Variants in VPS13B observed in about 807,000 individuals in gnomAD.
VPS13B encodes intermembrane lipid transfer protein VPS13B.
In VPS13B, 285 loss-of-function variants were observed where a neutral mutation model predicts 426.4. That is an observed-to-expected ratio of 0.67 (90% CI 0.61 to 0.74). The LOEUF is 0.74. VPS13B is among the 30% of genes least tolerant of loss of function. VPS13B has a pLI of 0.00. For synonymous variants in VPS13B, 1,676 were observed against 1,676.4 expected (o/e 1.00, Z 0.01); for missense variants, 4,537 against 4,782.6 (o/e 0.95, Z 1.51).
chr8:99,625,643 T>G (rs985947659), intron 33 of VPS13B, among the ~76,000 whole-genome samples: 3 of 151,862 alleles, frequency 2.0e-5, no homozygotes, highest in African/African-American at 7.3e-5. Context: ...CACATAAGCC[T>G]AAAAGTTCAA....
intron 37 of VPS13B, among the ~76,000 whole-genome samples, chr8:99,720,110 A>G (rs1299421881): frequency 6.6e-6 from 1 of 152,172 alleles, no homozygotes; most frequent in Non-Finnish European, 1.5e-5. Context: ...TTCAACATTT[A>G]AAATTTATTG....
chr8:99,411,272 T>C (rs1028736807), intron 21 of VPS13B, among the ~76,000 whole-genome samples: 1 of 152,222 alleles, frequency 6.6e-6, no homozygotes, highest in African/African-American at 2.4e-5. Context: ...CATGAGATGG[T>C]ATCTCATTGT....
intron 19 of VPS13B, among the ~76,000 whole-genome samples, chr8:99,305,718 T>C (rs1242045064): frequency 6.6e-6 from 1 of 152,076 alleles, no homozygotes; most frequent in Non-Finnish European, 1.5e-5. Flanking sequence ...GAACTAAAAA[T>C]CTTTGGTAAA....
intron 21 of VPS13B, among the ~76,000 whole-genome samples, chr8:99,395,963 G>T (rs1444710520): frequency 6.6e-6 from 1 of 152,090 alleles, no homozygotes; most frequent in Non-Finnish European, 1.5e-5. Context: ...AAAAAATTTA[G>T]TGGAATTAGA....
intron 24 of VPS13B, among the ~76,000 whole-genome samples, chr8:99,478,083 A>G (rs899492406): frequency 2.7e-5 from 4 of 149,716 alleles, no homozygotes; most frequent in Non-Finnish European, 4.5e-5. Flanking sequence ...TGCTGTCTTT[A>G]TTTAAAAAAA....
intron 19 of VPS13B, among the ~76,000 whole-genome samples, chr8:99,380,882 T>G (rs532645944): frequency 6.6e-6 from 1 of 151,666 alleles, no homozygotes; most frequent in East Asian, 1.9e-4. Flanking sequence ...CTTTCTTTTT[T>G]TTTTTTTTAA....
At chr8:99,789,707 CTT>C (rs1484995124) in intron 43 of VPS13B, among the ~76,000 whole-genome samples, 1 of 152,038 alleles carries the variant, frequency 6.6e-6, no homozygotes, top group Middle Eastern at 3.2e-3. Flanking sequence ...ATAAGACTAT[CTT>C]ATAGATATTT....
chr8:99,724,653 A>G (rs1833260655), intron 39 of VPS13B, among the ~76,000 whole-genome samples: 1 of 152,074 alleles, frequency 6.6e-6, no homozygotes. Context: ...TAAATAAATA[A>G]ATGCATTACA....
chr8:99,592,100 T>C (rs575723927), intron 33 of VPS13B, among the ~76,000 whole-genome samples: 4 of 152,178 alleles, frequency 2.6e-5, no homozygotes, highest in African/African-American at 9.6e-5. Flanking sequence ...TTCCACTTGA[T>C]TGAATCAGCT....
chr8:99,828,726 T>C (rs1814876193), intron 51 of VPS13B, among the ~76,000 whole-genome samples: 1 of 152,168 alleles, frequency 6.6e-6, no homozygotes, highest in Non-Finnish European at 1.5e-5. Flanking sequence ...GTTTTTGCAG[T>C]GACTGGTACC....
intron 19 of VPS13B, among the ~76,000 whole-genome samples, chr8:99,349,094 G>A (rs1238107519): frequency 6.6e-6 from 1 of 151,308 alleles, no homozygotes; most frequent in Non-Finnish European, 1.5e-5. Context: ...AGCACTTTGG[G>A]AGGCCGAGGC....
At chr8:99,308,616 T>G in intron 19 of VPS13B, among the ~76,000 whole-genome samples, 1 of 152,188 alleles carries the variant, frequency 6.6e-6, no homozygotes, top group Non-Finnish European at 1.5e-5. Context: ...TCTTTGCTAT[T>G]GTGAATAGTG....
At chr8:99,744,374 A>C (rs1478663390) in intron 39 of VPS13B, among the ~76,000 whole-genome samples, 1 of 152,206 alleles carries the variant, frequency 6.6e-6, no homozygotes, top group Non-Finnish European at 1.5e-5. Flanking sequence ...TGTTGGTGGG[A>C]CTGTAAACTA....
At position 99,575,696 on chromosome 8, in the gene VPS13B, C is replaced by T; in HGVS notation, c.4988C>T (p.Pro1663Leu). 2 of 1,613,804 alleles carry T rather than the reference C, an allele frequency of 1.2e-6. No individual in the cohort carries two copies. The change falls in exon 32 of 62, where the codon CCC (proline) becomes CTC (leucine). Residue 1663 changes from proline to leucine, a missense_variant. This residue lies in a region of VPS13B where 4,311 missense variants were observed against 4,474.3 expected (regional missense o/e 0.96). Coordinates refer to ENST00000357162, the MANE Select transcript of VPS13B (RefSeq NM_152564.5). ...RHQERRAILT[P>L]VLTDFSVRIT... ...CAAGAAAGGAGAGCAATTTTGACCC[C>T]CGTTTTGACAGATTTTTCTGTCCGA...
intron 24 of VPS13B, among the ~76,000 whole-genome samples, chr8:99,475,308 T>C (rs949055664): frequency 6.6e-6 from 1 of 152,172 alleles, no homozygotes; most frequent in African/African-American, 2.4e-5. Context: ...TCATAGTTTA[T>C]ACTTAGTGGT....
rs1336469422 is a variant in VPS13B, at chr8:99,870,798, A to G, written c.11406A>G (p.Gly3802=). The G allele has an allele frequency of 6.2e-7, 1 of 1,614,192 alleles. No homozygotes were observed. Residue 3802 remains glycine, a synonymous_variant, in exon 60 of 62, where the codon GGA becomes GGG. Coordinates refer to ENST00000357162, the MANE Select transcript of VPS13B (RefSeq NM_152564.5). ...VSQTGYGILH[G]AGLSQLPKQR... ...CTCTTACCACAGGTATTTTACATGG[A>G]GCTGGACTTTCTCAGCTTCCCAAAC...
rs1847339211 is a variant in VPS13B, at chr8:99,111,085, T to C, written c.581-13T>C. 6.3e-7 allele frequency: 1 copy of C among 1,597,526 alleles called. No homozygotes were observed. Among genetic ancestry groups the C allele is most frequent in the African/African-American group, 1.3e-5 (1 of 74,622 alleles). ...TTTTCCTTTTTACTTAAAATGTTTTTTTTTCTTTTTAGCAACTGATTTGGT... is the reference window on the plus strand; with the variant it reads ...TTTTCCTTTTTACTTAAAATGTTTTCTTTTCTTTTTAGCAACTGATTTGGT... On this transcript the variant is annotated splice_polypyrimidine_tract_variant and intron_variant, in intron 5 of 61. Transcript: ENST00000357162.
At chr8:99,611,114 TAAAG>T (rs1827830114) in intron 33 of VPS13B, among the ~76,000 whole-genome samples, 1 of 152,172 alleles carries the variant, frequency 6.6e-6, no homozygotes, top group African/African-American at 2.4e-5. Flanking sequence ...TTGAACAACT[TAAAG>T]AAATATTTTA....
intron 35 of VPS13B, among the ~76,000 whole-genome samples, chr8:99,677,642 C>T (rs1830994703): frequency 6.6e-6 from 1 of 152,104 alleles, no homozygotes; most frequent in South Asian, 2.1e-4. Flanking sequence ...AGTAATAGAC[C>T]TCAAAGAGTC....
Sources: gnomAD v4.1 joint callset for allele counts (sites outside exome capture counted in the v4.1 genomes callset) on GRCh38, gnomAD v4.1.1 for gene constraint, gnomAD v4.1.1 regional missense constraint, MANE v1.5 for transcripts, NCBI Gene and HGNC (gene_info 2026-07-23, HGNC 2026-07-21) for gene names.